SHQ1: variants seen among roughly 807,000 people sequenced by gnomAD.
The protein encoded by SHQ1 is protein SHQ1 homolog.
A neutral mutation model predicts 53.8 loss-of-function variants in SHQ1; 49 were observed. That is an observed-to-expected ratio of 0.91 (90% CI 0.72 to 1.16). The LOEUF is 1.16. Among genes scored for constraint, SHQ1 ranks in the 50% most tolerant of loss-of-function variants. The pLI, the probability that SHQ1 is intolerant of heterozygous loss-of-function variation, is 0.00. For synonymous variants in SHQ1, 243 were observed against 251.0 expected, an observed-to-expected ratio of 0.97 and a Z score of 0.30; for missense variants, 738 against 683.1, an observed-to-expected ratio of 1.08 and a Z score of -0.90.
chr3:72,814,899 C>T (rs1415336268), intron 8 of SHQ1, among the ~76,000 whole-genome samples: 2 of 152,080 alleles, frequency 1.3e-5, no homozygotes, highest in Non-Finnish European at 2.9e-5. Context: ...CAATACTTAC[C>T]TCACAGACAT....
At chr3:72,761,203 GTTC>G (rs1705602052) in intron 10 of SHQ1, among the ~76,000 whole-genome samples, 2 of 151,924 alleles carry the variant, frequency 1.3e-5, no homozygotes, top group Admixed American at 1.3e-4. Flanking sequence ...ATGGAGTCTT[GTTC>G]CATCGCCCAG....
chr3:72,745,582 A>G (rs928811652), downstream of SHQ1, among the ~76,000 whole-genome samples: 1 of 152,174 alleles, frequency 6.6e-6, no homozygotes, highest in African/African-American at 2.4e-5. Context: ...CGGCCTCTGT[A>G]GAGATTAACA....
chr3:72,788,435 C>T lies in SHQ1; in HGVS notation c.1181+4481G>A, dbSNP rs182998999. Reference sequence around the variant, plus strand: ...CTGAGAAGTGAGGAGCCTCTCTGCCCGGCAGCCGCCCTGTCAGGGAAGTGA... The same window carrying T: ...CTGAGAAGTGAGGAGCCTCTCTGCCTGGCAGCCGCCCTGTCAGGGAAGTGA... On this transcript the variant is annotated intron_variant, in intron 10 of 10. Transcript: ENST00000325599. Among the ~76,000 whole-genome samples, 829 of 151,478 alleles carry T rather than the reference C, an allele frequency of 5.5e-3. 2 individuals are homozygous for T. Among genetic ancestry groups the T allele is most frequent in the Non-Finnish European group, 8.6e-3 (585 of 67,814 alleles).
intron 10 of SHQ1, among the ~76,000 whole-genome samples, chr3:72,764,810 A>C (rs1048983186): frequency 3.3e-5 from 5 of 152,188 alleles, no homozygotes; most frequent in Non-Finnish European, 7.3e-5. Context: ...ACTATGTTGA[A>C]GTCATCATTA....
chr3:72,778,049 A>C (rs1379417657), intron 10 of SHQ1, among the ~76,000 whole-genome samples: 1 of 152,218 alleles, frequency 6.6e-6, no homozygotes, highest in Non-Finnish European at 1.5e-5. Flanking sequence ...ACTATATGGA[A>C]AAGTAAAGTA....
chr3:72,818,236 T>C (rs1247067659), intron 6 of SHQ1, among the ~76,000 whole-genome samples: 2 of 152,128 alleles, frequency 1.3e-5, no homozygotes, highest in Non-Finnish European at 1.5e-5. Flanking sequence ...GGTGTGTAAC[T>C]AATTTTTGTA....
chr3:72,783,268 T>C (rs899779066), intron 10 of SHQ1, among the ~76,000 whole-genome samples: 16 of 152,124 alleles, frequency 1.1e-4, no homozygotes, highest in Admixed American at 4.6e-4. Context: ...CTGAAAATGG[T>C]TCATATGTAT....
chr3:72,830,314 A>T (rs1300650323), intron 5 of SHQ1, among the ~76,000 whole-genome samples: 1 of 152,132 alleles, frequency 6.6e-6, no homozygotes, highest in Non-Finnish European at 1.5e-5. Context: ...ATGAGGAAAC[A>T]CTATGACTTG....
chr3:72,796,000 G>A (rs1706602299), intron 9 of SHQ1, among the ~76,000 whole-genome samples: 1 of 151,604 alleles, frequency 6.6e-6, no homozygotes, highest in African/African-American at 2.4e-5. Flanking sequence ...CTACTCGGGA[G>A]GCTGAGGCAG....
intron 9 of SHQ1, among the ~76,000 whole-genome samples, chr3:72,805,954 G>A (rs913799957): frequency 1.7e-4 from 26 of 152,138 alleles, no homozygotes; most frequent in East Asian, 9.7e-4. Context: ...AAACATTTTC[G>A]GTGATTAACA....
intron 6 of SHQ1, among the ~76,000 whole-genome samples, 189 bp downstream of exon 6, chr3:72,824,234 AT>A (rs1397292526): frequency 6.6e-6 from 1 of 152,260 alleles, no homozygotes; most frequent in African/African-American, 2.4e-5. Context: ...TCCAACACAA[AT>A]AAGCCTAATT....
At chr3:72,827,066 T>C (rs1175185611) in intron 5 of SHQ1, among the ~76,000 whole-genome samples, 1 of 152,068 alleles carries the variant, frequency 6.6e-6, no homozygotes, top group African/African-American at 2.4e-5. Flanking sequence ...GACCTATACG[T>C]AGATGACAGA....
At chr3:72,726,766 T>C in the SHQ1 span, among the ~76,000 whole-genome samples, 1 of 152,164 alleles carries the variant, frequency 6.6e-6, no homozygotes, top group Non-Finnish European at 1.5e-5. Context: ...CTCGGGATGA[T>C]TGAGGGCTTT....
At chr3:72,823,988 T>A (rs1364504698) in intron 6 of SHQ1, among the ~76,000 whole-genome samples, 1 of 152,204 alleles carries the variant, frequency 6.6e-6, no homozygotes, top group Non-Finnish European at 1.5e-5. Flanking sequence ...TACACTGCAC[T>A]TAGAGAAGCT....
chr3:72,762,525 G>A (rs752890945), intron 10 of SHQ1, among the ~76,000 whole-genome samples: 1 of 152,180 alleles, frequency 6.6e-6, no homozygotes, highest in East Asian at 1.9e-4. Context: ...CCCAAAAGCT[G>A]ATTTAAATAA....
intron 4 of SHQ1, among the ~76,000 whole-genome samples, chr3:72,839,819 G>A (rs1005706704): frequency 9.9e-5 from 15 of 152,038 alleles, no homozygotes; most frequent in African/African-American, 3.4e-4. Flanking sequence ...GGAGTGCAGT[G>A]GCGAGATCTC....
In SHQ1 at chr3:72,846,550, G is replaced by A. The variant is rs540703813; in HGVS notation, c.143+1648C>T. On this transcript the variant is annotated intron_variant, in intron 1 of 10. Coordinates refer to ENST00000325599, the MANE Select transcript of SHQ1 (RefSeq NM_018130.3). ...TGACCTCAAGTGATCTGCCCACCTC[G>A]GCATCCCAAAGTGCTGGGATTACAG... 2.9e-4 allele frequency among the ~76,000 whole-genome samples: 44 copies of A among 152,060 alleles called. 1 individual carries two copies. In the East Asian group the frequency reaches 8.5e-3, roughly 29 times the overall value.
intron 10 of SHQ1, among the ~76,000 whole-genome samples, chr3:72,775,534 T>A (rs758353315): frequency 6.6e-5 from 10 of 151,842 alleles, no homozygotes; most frequent in Non-Finnish European, 1.2e-4. Flanking sequence ...GTGCACTGTT[T>A]CAGAGAACAG....
chr3:72,762,121 A>G (rs570965745), intron 10 of SHQ1, among the ~76,000 whole-genome samples: 1 of 152,288 alleles, frequency 6.6e-6, no homozygotes, highest in African/African-American at 2.4e-5. Context: ...CTATACATAC[A>G]TCTGCCCACA....
Sources: allele counts gnomAD v4.1 joint callset (sites outside exome capture counted in the v4.1 genomes callset), GRCh38; gene constraint gnomAD v4.1.1; transcripts MANE v1.5; gene names NCBI Gene and HGNC (gene_info 2026-07-23, HGNC 2026-07-21).